SEMA3A: variants seen among roughly 807,000 people sequenced by gnomAD.
SEMA3A encodes the protein semaphorin-3A.
SEMA3A carries 29 observed loss-of-function variants against 97.9 expected under a neutral mutation model. That is an observed-to-expected ratio of 0.30 (90% confidence interval 0.22 to 0.40). SEMA3A has a LOEUF of 0.40. Ranked by LOEUF, SEMA3A falls within the 10% of genes least tolerant of loss-of-function variation. SEMA3A has a pLI of 1.00. For missense variants in SEMA3A, 763 were observed against 951.3 expected, an observed-to-expected ratio of 0.80 and a Z score of 2.60; for synonymous variants, 321 against 323.7, an observed-to-expected ratio of 0.99 and a Z score of 0.09.
At chr7:84,369,559 T>C (rs1013851949) in intron 2 of SEMA3A, among the ~76,000 whole-genome samples, 2 of 151,056 alleles carry the variant, frequency 1.3e-5, no homozygotes, top group Admixed American at 6.6e-5. Flanking sequence ...TTAAGAAATA[T>C]ATTCAACCCC....
chr7:83,978,544 C>G (rs1034059536), intron 14 of SEMA3A, among the ~76,000 whole-genome samples: 3 of 152,156 alleles, frequency 2.0e-5, no homozygotes, highest in Non-Finnish European at 4.4e-5. Flanking sequence ...TGGGTATTGT[C>G]TTGCTGCAAA....
At chr7:84,387,598 T>C (rs1803431562) in intron 1 of SEMA3A, among the ~76,000 whole-genome samples, 1 of 152,184 alleles carries the variant, frequency 6.6e-6, no homozygotes, top group Admixed American at 6.5e-5. Flanking sequence ...GATTTCCTGC[T>C]TGATTTCTTT....
intron 1 of SEMA3A, among the ~76,000 whole-genome samples, chr7:84,376,142 T>C (rs1207867186): frequency 1.3e-5 from 2 of 152,228 alleles, no homozygotes; most frequent in African/African-American, 4.8e-5. Context: ...TTGTGAATAG[T>C]GCAGTAATAA....
intron 1 of SEMA3A, among the ~76,000 whole-genome samples, chr7:84,483,025 T>C (rs981843287): frequency 2.6e-4 from 40 of 152,076 alleles, no homozygotes; most frequent in African/African-American, 9.2e-4. Flanking sequence ...CAGAAATACA[T>C]AAAATGTTTT....
chr7:84,234,804 C>T (rs115886514), intron 3 of SEMA3A, among the ~76,000 whole-genome samples: 4,975 of 151,936 alleles, frequency 0.033, 96 homozygotes, highest in South Asian at 0.046. Context: ...TCATTCTGAC[C>T]TTCTGCCTGC....
At chr7:84,332,017 T>G (rs943847035) in intron 2 of SEMA3A, among the ~76,000 whole-genome samples, 2 of 152,172 alleles carry the variant, frequency 1.3e-5, no homozygotes. Context: ...CTCCTGGTCA[T>G]TTCTTTCAGC....
At chr7:84,321,872 GAAAAAAA>G (rs1156548285) in intron 2 of SEMA3A, among the ~76,000 whole-genome samples, 4 of 12,060 alleles carry the variant, frequency 3.3e-4, no homozygotes, top group Non-Finnish European at 5.3e-4. Context: ...CGAGACTACG[GAAAAAAA>G]AAAAAAAAAA....
chr7:84,436,526 T>C (rs1345254117), intron 1 of SEMA3A, among the ~76,000 whole-genome samples: 1 of 152,182 alleles, frequency 6.6e-6, no homozygotes, highest in African/African-American at 2.4e-5. Context: ...CATAACATTT[T>C]ACTGGGCCAA....
intron 1 of SEMA3A, among the ~76,000 whole-genome samples, chr7:84,460,610 A>T (rs914193916): frequency 6.6e-6 from 1 of 152,220 alleles, no homozygotes; most frequent in African/African-American, 2.4e-5. Context: ...GCCTTTGTAC[A>T]GTTCCCAGTC....
At chr7:84,293,092 C>T (rs2115792215) in intron 3 of SEMA3A, among the ~76,000 whole-genome samples, 1 of 152,090 alleles carries the variant, frequency 6.6e-6, no homozygotes, top group South Asian at 2.1e-4. Context: ...TTGGTTTTTG[C>T]AGGGTGATGG....
intron 4 of SEMA3A, among the ~76,000 whole-genome samples, chr7:84,084,838 T>TGATGGGAAATTAA (rs1794281179): frequency 6.6e-6 from 1 of 152,130 alleles, no homozygotes; most frequent in Non-Finnish European, 1.5e-5. Flanking sequence ...ATCATTTAAA[T>TGATGGGAAATTAA]GTATGTTCCC....
intron 1 of SEMA3A, among the ~76,000 whole-genome samples, chr7:84,437,918 A>G (rs1805179181): frequency 6.6e-6 from 1 of 152,022 alleles, no homozygotes; most frequent in Non-Finnish European, 1.5e-5. Flanking sequence ...ACTCCCCTAC[A>G]AGCCTCAGCT....
chr7:84,197,384 C>A (rs1407800955), upstream of SEMA3A, among the ~76,000 whole-genome samples: 1 of 151,948 alleles, frequency 6.6e-6, no homozygotes, highest in African/African-American at 2.4e-5. Flanking sequence ...CTGTCCTAGA[C>A]TGATTAAATT....
chr7:84,373,683 C>T (rs947074338), intron 1 of SEMA3A, among the ~76,000 whole-genome samples: 2 of 152,066 alleles, frequency 1.3e-5, no homozygotes, highest in African/African-American at 4.8e-5. Context: ...AGGATATAAG[C>T]CCAAATGTGC....
chr7:84,230,958 C>A (rs2116356114), intron 3 of SEMA3A, among the ~76,000 whole-genome samples: 1 of 151,986 alleles, frequency 6.6e-6, no homozygotes, highest in South Asian at 2.1e-4. Context: ...ACAGTTTACC[C>A]CCCAATCTTA....
At chr7:83,984,503 C>T (rs932861937) in intron 13 of SEMA3A, among the ~76,000 whole-genome samples, 5 of 151,352 alleles carry the variant, frequency 3.3e-5, no homozygotes, top group African/African-American at 7.3e-5. Context: ...AACATGTAAA[C>T]AGTTCAGAAA....
Position 83,961,347 on chromosome 7 carries a change from T to TC in SEMA3A, c.*23_*24insG. 1 of 1,588,572 alleles carries TC rather than the reference T, an allele frequency of 6.3e-7. No individual in the cohort carries two copies. Among genetic ancestry groups the TC allele is most frequent in the Non-Finnish European group, 8.6e-7 (1 of 1,157,624 alleles). Reference sequence around the variant, plus strand: ...TTGTCTAGGCAAGTTTCTACTTGTTTGAGGTTTCTAGAGGTAATGCAGCTC... The same window carrying TC: ...TTGTCTAGGCAAGTTTCTACTTGTTTCGAGGTTTCTAGAGGTAATGCAGCTC... On this transcript the variant is annotated 3_prime_UTR_variant, in exon 17 of 17. Coordinates refer to ENST00000265362, the MANE Select transcript of SEMA3A (RefSeq NM_006080.3).
chr7:84,222,968 C>T (rs925306652), intron 3 of SEMA3A, among the ~76,000 whole-genome samples: 47 of 151,802 alleles, frequency 3.1e-4, no homozygotes, highest in African/African-American at 1.0e-3. Flanking sequence ...ACAGATTAAA[C>T]AAATTAAAAT....
intron 1 of SEMA3A, among the ~76,000 whole-genome samples, chr7:84,475,858 C>T (rs984962105): frequency 2.0e-5 from 3 of 152,076 alleles, no homozygotes; most frequent in Non-Finnish European, 4.4e-5. Flanking sequence ...AATGTTTCAG[C>T]ATTATTTTTT....
Sources: gnomAD v4.1 joint callset for allele counts (sites outside exome capture counted in the v4.1 genomes callset) on GRCh38, gnomAD v4.1.1 for gene constraint, MANE v1.5 for transcripts, NCBI Gene and HGNC (gene_info 2026-07-23, HGNC 2026-07-21) for gene names.